KCNIP4: variants seen among roughly 807,000 people sequenced by gnomAD.
The protein encoded by KCNIP4 is Kv channel-interacting protein 4.
Under a neutral mutation model 34.0 loss-of-function variants are expected in KCNIP4, and 12 were observed. The ratio of observed to expected loss-of-function variants is 0.35; its 90% CI spans 0.23 to 0.57. The LOEUF (loss-of-function observed/expected upper bound fraction) is 0.57, where lower values mean the gene tolerates loss of function less well. Ranked by LOEUF, KCNIP4 falls within the 20% of genes least tolerant of loss-of-function variation. The pLI is 0.83. For missense variants in KCNIP4, 238 were observed against 311.7 expected (o/e 0.76, Z 1.78); for synonymous variants, 124 against 102.2 (o/e 1.21, Z -1.29).
At chr4:21,904,104 A>AC (rs1320176681) in intron 1 of KCNIP4, among the ~76,000 whole-genome samples, 1 of 152,118 alleles carries the variant, frequency 6.6e-6, no homozygotes, top group East Asian at 1.9e-4. Flanking sequence ...GTAGTCCAAA[A>AC]TTTCAGAAAT....
intron 1 of KCNIP4, among the ~76,000 whole-genome samples, chr4:21,263,491 T>G (rs2109111411): frequency 6.6e-6 from 1 of 152,254 alleles, no homozygotes; most frequent in Non-Finnish European, 1.5e-5. Context: ...AAGACTAAGC[T>G]TCTGGGCCTT....
chr4:20,846,087 T>C (rs553253109), intron 3 of KCNIP4, among the ~76,000 whole-genome samples: 11 of 152,198 alleles, frequency 7.2e-5, no homozygotes, highest in Non-Finnish European at 1.3e-4. Flanking sequence ...AAAAAGATAG[T>C]AACATAACAT....
chr4:20,867,238 CTA>C (rs1167634088), intron 2 of KCNIP4, among the ~76,000 whole-genome samples: 6 of 151,962 alleles, frequency 3.9e-5, no homozygotes, highest in Non-Finnish European at 8.8e-5. Flanking sequence ...AAAACAGAAA[CTA>C]AGCCCAAGAC....
chr4:21,937,518 T>C (rs1439406556), intron 1 of KCNIP4, among the ~76,000 whole-genome samples: 1 of 152,108 alleles, frequency 6.6e-6, no homozygotes, highest in Non-Finnish European at 1.5e-5. Flanking sequence ...TTGTGAAATT[T>C]GATGGTCTTC....
Position 20,864,014 on chromosome 4 carries a change from G to GTATGTATACATACATA in KCNIP4, c.164-13348_164-13347insTATGTATGTATACATA, listed in dbSNP as rs1560524850. 9.9e-3 allele frequency among the ~76,000 whole-genome samples: 1,410 copies of GTATGTATACATACATA among 142,502 alleles called. 10 individuals are homozygous for GTATGTATACATACATA. Among genetic ancestry groups the GTATGTATACATACATA allele is most frequent in the Middle Eastern group, 0.019 (5 of 268 alleles). The allele number at this position is 142,502 out of a possible 152,430, so 93.5% of individuals were successfully genotyped here. ...ACTAGATATACGTACATGTAAATGTGTGTATGTATACATACATATGTATGT... is the reference window on the plus strand; with the variant it reads ...ACTAGATATACGTACATGTAAATGTGTATGTATACATACATATGTATGTATACATACATATGTATGT... On this transcript the variant is annotated intron_variant, in intron 2 of 8. Transcript: ENST00000382152.
chr4:21,749,160 T>C (rs1716978755), intron 1 of KCNIP4, among the ~76,000 whole-genome samples: 1 of 152,128 alleles, frequency 6.6e-6, no homozygotes, highest in South Asian at 2.1e-4. Context: ...AAACATGTCT[T>C]CAAAATTAAA....
chr4:21,190,206 A>C (rs920209907), intron 1 of KCNIP4, among the ~76,000 whole-genome samples: 1 of 152,148 alleles, frequency 6.6e-6, no homozygotes, highest in Admixed American at 6.5e-5. Flanking sequence ...GCTAAGTATA[A>C]TCTACTAAAC....
intron 1 of KCNIP4, among the ~76,000 whole-genome samples, chr4:21,317,369 A>G (rs1331709866): frequency 6.6e-6 from 1 of 152,160 alleles, no homozygotes; most frequent in Non-Finnish European, 1.5e-5. Flanking sequence ...CTGTGTCCAA[A>G]AACACCTTTA....
intron 1 of KCNIP4, among the ~76,000 whole-genome samples, chr4:21,108,189 A>G (rs1748766762): frequency 6.6e-6 from 1 of 151,280 alleles, no homozygotes; most frequent in Non-Finnish European, 1.5e-5. Context: ...AATATCCTGC[A>G]GAGTGTTTTC....
At chr4:21,679,164 A>G (rs1459233698) in intron 1 of KCNIP4, among the ~76,000 whole-genome samples, 4 of 152,312 alleles carry the variant, frequency 2.6e-5, no homozygotes, top group African/African-American at 9.6e-5. Flanking sequence ...TAGGCTACGT[A>G]GTCTGTGATA....
intron 1 of KCNIP4, among the ~76,000 whole-genome samples, chr4:21,432,091 CATATATATATAT>C (rs71655634): frequency 0.043 from 1,551 of 36,372 alleles, 82 homozygotes; most frequent in South Asian, 0.094. Flanking sequence ...AAAATGGAAG[CATATATATATAT>C]ATATATATAT....
intron 2 of KCNIP4, among the ~76,000 whole-genome samples, chr4:20,856,001 C>G (rs1577259357): frequency 6.6e-6 from 1 of 152,150 alleles, no homozygotes; most frequent in South Asian, 2.1e-4. Context: ...ACAAATTGAT[C>G]TGGGCTTTAT....
chr4:20,984,048 T>A (rs767704934), intron 1 of KCNIP4: 27 of 1,438,460 alleles, frequency 1.9e-5, no homozygotes, highest in Admixed American at 2.4e-5. Flanking sequence ...GAGCAGCTCC[T>A]GGCAGATGCA....
At chr4:21,572,820 T>A (rs1740462566) in intron 1 of KCNIP4, among the ~76,000 whole-genome samples, 1 of 152,020 alleles carries the variant, frequency 6.6e-6, no homozygotes, top group Admixed American at 6.6e-5. Flanking sequence ...GAAGATGGGG[T>A]TTCTCCATGT....
intron 1 of KCNIP4, among the ~76,000 whole-genome samples, chr4:21,349,720 C>T (rs1717822994): frequency 6.6e-6 from 1 of 152,096 alleles, no homozygotes; most frequent in East Asian, 1.9e-4. Context: ...GTAGAGTGTG[C>T]AGGGGCAGGT....
intron 1 of KCNIP4, among the ~76,000 whole-genome samples, chr4:21,499,247 T>C (rs1314877796): frequency 6.6e-6 from 1 of 151,204 alleles, no homozygotes; most frequent in African/African-American, 2.4e-5. Flanking sequence ...AGAAGAATCA[T>C]TTGAACCCAG....
chr4:20,748,558 TTTTATATATATATATATA>T (rs1157796960), intron 5 of KCNIP4, among the ~76,000 whole-genome samples: 5,407 of 118,508 alleles, frequency 0.046, 134 homozygotes, highest in South Asian at 0.14. Flanking sequence ...ACCTTCCAAA[TTTTATATATATATATATA>T]TATATATATA....
intron 1 of KCNIP4, among the ~76,000 whole-genome samples, chr4:21,173,679 G>A (rs1194581037): frequency 6.6e-6 from 1 of 152,136 alleles, no homozygotes; most frequent in East Asian, 1.9e-4. Context: ...GCAAGTAGCT[G>A]AAAACCCAAA....
At chr4:21,044,528 T>C (rs1462770288) in intron 1 of KCNIP4, among the ~76,000 whole-genome samples, 2 of 152,234 alleles carry the variant, frequency 1.3e-5, no homozygotes, top group Middle Eastern at 3.4e-3. Flanking sequence ...GCCAGGATGG[T>C]CTCGATCTCT....
Sources: gnomAD v4.1 joint callset for allele counts (sites outside exome capture counted in the v4.1 genomes callset) on GRCh38, gnomAD v4.1.1 for gene constraint, MANE v1.5 for transcripts, NCBI Gene and HGNC (gene_info 2026-07-23, HGNC 2026-07-21) for gene names.